The following USH2A variants were observed in gnomAD, a reference collection of about 807,000 sequenced individuals.
USH2A encodes the protein usherin.
In USH2A, 443 loss-of-function variants were observed where a neutral mutation model predicts 538.9. The ratio of observed to expected loss-of-function variants is 0.82; its 90% confidence interval spans 0.76 to 0.89. The LOEUF is 0.89. Among genes scored for constraint, USH2A ranks in the 40% least tolerant of loss-of-function variants. The pLI is 0.00. For missense variants in USH2A, 6,633 were observed against 6,324.8 expected (o/e 1.05, Z -1.65); for synonymous variants, 2,413 against 2,273.5 (o/e 1.06, Z -1.75).
chr1:215,971,721 T>C (rs967737446), intron 35 of USH2A, among the ~76,000 whole-genome samples: 47 of 152,226 alleles, frequency 3.1e-4, no homozygotes, highest in African/African-American at 9.6e-4. Context: ...TATCATATTT[T>C]ATTTCTGCTT....
chr1:216,322,227 A>C (rs1193300625), intron 8 of USH2A, among the ~76,000 whole-genome samples: 1 of 152,134 alleles, frequency 6.6e-6, no homozygotes, highest in Non-Finnish European at 1.5e-5. Context: ...CCAACCTCTA[A>C]AGGGAAATGG....
chr1:215,935,642 A>C (rs1666473138), intron 37 of USH2A, among the ~76,000 whole-genome samples: 1 of 151,938 alleles, frequency 6.6e-6, no homozygotes, highest in South Asian at 2.1e-4. Flanking sequence ...CATTAGGTTA[A>C]ATTTCAGGTT....
intron 61 of USH2A, among the ~76,000 whole-genome samples, chr1:215,686,845 T>C (rs1571958297): frequency 6.6e-6 from 1 of 152,278 alleles, no homozygotes; most frequent in South Asian, 2.1e-4. Context: ...ATTTTCTTTA[T>C]GGAACGTTCA....
At chr1:215,959,524 G>GAATTATCA (rs1667147121) in intron 37 of USH2A, among the ~76,000 whole-genome samples, 4 of 152,098 alleles carry the variant, frequency 2.6e-5, no homozygotes, top group Admixed American at 2.6e-4. Context: ...CATTCAGAAA[G>GAATTATCA]AGTTATCTGA....
At chr1:215,654,246 G>A (rs1393475274) in intron 64 of USH2A, among the ~76,000 whole-genome samples, 2 of 152,054 alleles carry the variant, frequency 1.3e-5, no homozygotes, top group Non-Finnish European at 2.9e-5. Context: ...AGGTATACAT[G>A]TGCCATGTTG....
chr1:215,782,741 T>G lies in USH2A; in HGVS notation c.10582A>C (p.Asn3528His), dbSNP rs762885637. Reference protein sequence around the residue: ...VLNWRKPIQSNGPIIYYILLR... With the variant: ...VLNWRKPIQSHGPIIYYILLR... ...TATTTTAAAGGTATCTCAATACCAT[T>G]TGATTGTATAGGTTTTCTCCAGTTT... The change falls in exon 53 of 72, where the codon AAT becomes CAT. Residue 3528 changes from asparagine (N) to histidine (H), a missense_variant. Physicochemically the swap from Asn to His is moderately conservative, Grantham distance 68. Coordinates refer to ENST00000307340, the MANE Select transcript of USH2A (RefSeq NM_206933.4). The G allele has an allele frequency of 6.2e-7, 1 of 1,613,388 alleles. No homozygotes were observed.
intron 61 of USH2A, among the ~76,000 whole-genome samples, chr1:215,714,177 A>G (rs1464954458): frequency 6.6e-6 from 1 of 152,262 alleles, no homozygotes; most frequent in Admixed American, 6.5e-5. Context: ...TAAGAAGCAT[A>G]ACAAAGCATT....
At position 216,177,574 on chromosome 1, in the gene USH2A, C is replaced by T. The variant is rs3767678; in HGVS notation, c.4397-2092G>A. On this transcript the variant is annotated intron_variant, in intron 20 of 71. Coordinates refer to ENST00000307340, the MANE Select transcript of USH2A (RefSeq NM_206933.4). The stretch of plus-strand genomic sequence containing the variant: ...AGAGCACCCTGGCCCTGAAGTGACC[C>T]CACCACCAGCAGTGGGCTTAGCCTT... Among the ~76,000 whole-genome samples, 8 of 152,206 alleles carry T rather than the reference C, an allele frequency of 5.3e-5. No individual in the cohort carries two copies. The East Asian group carries it at 1.2e-3, about 22-fold the overall frequency.
intron 6 of USH2A, among the ~76,000 whole-genome samples, chr1:216,324,806 A>C (rs886460246): frequency 6.6e-6 from 1 of 152,160 alleles, no homozygotes; most frequent in African/African-American, 2.4e-5. Flanking sequence ...TACTTTATTG[A>C]GGCAAGGTTC....
rs1571704143 is a variant in USH2A at position 216,325,613 on chromosome 1, G to C, written c.849-14C>G. The C allele has an allele frequency of 6.2e-7, 1 of 1,611,508 alleles. No individual in the cohort carries two copies. Among genetic ancestry groups the C allele is most frequent in the East Asian group, 2.2e-5 (1 of 44,656 alleles). On this transcript the variant is annotated splice_polypyrimidine_tract_variant and intron_variant, in intron 5 of 71. Transcript: ENST00000307340. ...TCCAGAATCTCTCTGTGGGAGTCAA[G>C]AGGGAGACTGTAAGGACAAAGAGCT...
intron 44 of USH2A, among the ~76,000 whole-genome samples, 178 bp from the exon 45 acceptor site, chr1:215,846,211 T>A (rs918305985): frequency 6.6e-6 from 1 of 152,170 alleles, no homozygotes; most frequent in African/African-American, 2.4e-5. Context: ...TGATAGTTTT[T>A]ATTTTATTTA....
chr1:215,881,383 A>C (rs538266326), intron 41 of USH2A, among the ~76,000 whole-genome samples: 9 of 152,260 alleles, frequency 5.9e-5, no homozygotes, highest in African/African-American at 1.9e-4. Flanking sequence ...CAGGTGATCC[A>C]CCTGCCTTTG....
intron 35 of USH2A, among the ~76,000 whole-genome samples, chr1:215,976,865 C>T (rs1391508903): frequency 3.9e-5 from 6 of 152,026 alleles, no homozygotes; most frequent in Admixed American, 3.3e-4. Flanking sequence ...ATGCTGGCCT[C>T]ATAGAAAGTG....
chr1:215,875,900 C>T (rs1664752282), intron 43 of USH2A, among the ~76,000 whole-genome samples: 1 of 124,024 alleles, frequency 8.1e-6, no homozygotes, highest in Non-Finnish European at 1.6e-5. Context: ...ATATAATAAT[C>T]AATATATAAA....
At chr1:216,240,798 A>G (rs1390296073) in intron 13 of USH2A, among the ~76,000 whole-genome samples, 1 of 152,194 alleles carries the variant, frequency 6.6e-6, no homozygotes, top group East Asian at 1.9e-4. Context: ...AACGTGTAGG[A>G]TTCAGGAAAT....
intron 37 of USH2A, among the ~76,000 whole-genome samples, chr1:215,945,427 AAAT>A (rs1401919167): frequency 2.0e-5 from 3 of 152,170 alleles, no homozygotes; most frequent in South Asian, 4.1e-4. Context: ...ATGTGAAAAT[AAAT>A]AATATCTTTG....
chr1:216,321,318 T>G (rs1034092566), intron 9 of USH2A, among the ~76,000 whole-genome samples: 4 of 152,118 alleles, frequency 2.6e-5, no homozygotes, highest in South Asian at 2.1e-4. Context: ...TCCCTAAAGA[T>G]GAAGCTAAAA....
intron 32 of USH2A, among the ~76,000 whole-genome samples, chr1:216,017,140 C>T (rs958131797): frequency 5.3e-5 from 8 of 152,040 alleles, no homozygotes; most frequent in East Asian, 1.9e-4. Flanking sequence ...GAAAGCCCCT[C>T]GTTTCATCCA....
chr1:215,984,148 G>A (rs11120707), intron 35 of USH2A, among the ~76,000 whole-genome samples: 65,927 of 152,094 alleles, frequency 0.43, 16,664 homozygotes, highest in East Asian at 0.85. Flanking sequence ...TACAGGGCAC[G>A]GGGCAGAGTT....
Sources: gnomAD v4.1 joint callset for allele counts (sites outside exome capture counted in the v4.1 genomes callset) on GRCh38, gnomAD v4.1.1 for gene constraint, MANE v1.5 for transcripts, NCBI Gene and HGNC (gene_info 2026-07-23, HGNC 2026-07-21) for gene names.